Variants in TNFRSF19 observed in about 807,000 individuals in gnomAD.
The protein encoded by TNFRSF19 is tumor necrosis factor receptor superfamily member 19.
Under a neutral mutation model 46.4 loss-of-function variants are expected in TNFRSF19, and 27 were observed. The observed-to-expected ratio is 0.58, with a 90% CI of 0.43 to 0.80. The LOEUF (loss-of-function observed/expected upper bound fraction) is 0.80. Ranked by LOEUF, TNFRSF19 falls within the 30% of genes least tolerant of loss-of-function variation. The pLI, the probability that TNFRSF19 is intolerant of heterozygous loss-of-function variation, is 0.00. For missense variants in TNFRSF19, 511 were observed against 530.8 expected (o/e 0.96, Z 0.37); for synonymous variants, 204 against 205.0 (o/e 1.00, Z 0.04).
intron 5 of TNFRSF19, among the ~76,000 whole-genome samples, chr13:23,649,088 T>C (rs1473190885): frequency 1.3e-5 from 2 of 152,196 alleles, no homozygotes; most frequent in Non-Finnish European, 2.9e-5. Flanking sequence ...GCTAGCCTTG[T>C]AGAATGAGTT....
Position 23,644,991 on chromosome 13 carries a change from C to T in TNFRSF19, c.446-14059C>T, listed in dbSNP as rs1883250678. Among the ~76,000 whole-genome samples the T allele has an allele frequency of 1.3e-5, 2 of 152,230 alleles. 1 individual carries two copies. The highest frequency in any genetic ancestry group is 4.1e-4 in the South Asian group (2 of 4,828). On this transcript the variant is annotated intron_variant, in intron 5 of 9. Coordinates refer to ENST00000248484, the MANE Select transcript of TNFRSF19 (RefSeq NM_148957.4). ...ACTTCAGTAATAGATCACCAGTACT[C>T]TTAACTCCACTGAGCTCTGCTCCTC... is the stretch of plus-strand genomic sequence containing the variant.
Position 23,612,068 on chromosome 13 carries a change from TTTGA to T in TNFRSF19, c.181-3796_181-3793del, listed in dbSNP as rs3838829. ...CAGGGATGGGAAGAAAGGTGTACTG[TTTGA>T]TTATTTTTGTTAAATCTCATGTGTG... On this transcript the variant is annotated intron_variant, in intron 3 of 9. Transcript: ENST00000248484. 8.3e-3 allele frequency among the ~76,000 whole-genome samples: 1,260 copies of T among 152,316 alleles called. 27 individuals carry two copies. The highest frequency in any genetic ancestry group is 0.076 in the East Asian group (394 of 5,182).
chr13:23,609,168 A>G (rs1030991103), intron 3 of TNFRSF19, among the ~76,000 whole-genome samples: 17 of 152,178 alleles, frequency 1.1e-4, no homozygotes, highest in Non-Finnish European at 1.2e-4. Context: ...ATTTTATCCC[A>G]TTGAGCCATA....
intron 5 of TNFRSF19, among the ~76,000 whole-genome samples, chr13:23,627,337 G>A (rs1566195607): frequency 6.6e-6 from 1 of 151,980 alleles, no homozygotes; most frequent in African/African-American, 2.4e-5. Flanking sequence ...TGCATGCTGG[G>A]GATACAACTG....
intron 2 of TNFRSF19, among the ~76,000 whole-genome samples, chr13:23,592,649 C>T (rs765510206): frequency 1.7e-4 from 26 of 152,106 alleles, no homozygotes; most frequent in Non-Finnish European, 8.8e-5. Context: ...TGAAGAGTTC[C>T]GAGAGTTGGG....
chr13:23,592,527 A>G (rs993549554), intron 2 of TNFRSF19, among the ~76,000 whole-genome samples: 4 of 152,198 alleles, frequency 2.6e-5, no homozygotes, highest in African/African-American at 9.6e-5. Flanking sequence ...CTAAGTATAC[A>G]TTTTCCATTT....
intron 5 of TNFRSF19, among the ~76,000 whole-genome samples, chr13:23,636,804 G>A (rs926587324): frequency 6.6e-6 from 1 of 152,108 alleles, no homozygotes; most frequent in African/African-American, 2.4e-5. Flanking sequence ...GGGGAGCAAG[G>A]GAGGAAGCAG....
At chr13:23,622,665 G>A (rs1881747141) in intron 4 of TNFRSF19, among the ~76,000 whole-genome samples, 2 of 152,066 alleles carry the variant, frequency 1.3e-5, no homozygotes, top group Non-Finnish European at 2.9e-5. Context: ...AACTTTTTAA[G>A]TGTTAAAAGA....
intron 2 of TNFRSF19, among the ~76,000 whole-genome samples, chr13:23,591,720 CT>C (rs1566169108): frequency 1.5e-5 from 1 of 65,754 alleles, no homozygotes; most frequent in Non-Finnish European, 3.3e-5. Context: ...AATTTTCTTT[CT>C]TTCTTTCTTT....
chr13:23,608,999 G>T (rs1452751182), intron 3 of TNFRSF19, among the ~76,000 whole-genome samples: 1 of 152,198 alleles, frequency 6.6e-6, no homozygotes, highest in East Asian at 1.9e-4. Flanking sequence ...GTTCTGAGCA[G>T]GCGCCTCTCG....
intron 3 of TNFRSF19, among the ~76,000 whole-genome samples, chr13:23,596,277 G>A (rs1008039049): frequency 2.0e-5 from 3 of 152,124 alleles, no homozygotes; most frequent in African/African-American, 7.2e-5. Flanking sequence ...AAATGTAAAT[G>A]GGCTAAATAC....
intron 3 of TNFRSF19, among the ~76,000 whole-genome samples, chr13:23,611,030 A>G (rs1404602253): frequency 6.6e-6 from 1 of 152,122 alleles, no homozygotes. Flanking sequence ...CCATAAACAT[A>G]ATCACATATC....
intron 5 of TNFRSF19, among the ~76,000 whole-genome samples, chr13:23,640,217 G>A (rs1327918464): frequency 6.6e-6 from 1 of 152,104 alleles, no homozygotes; most frequent in Non-Finnish European, 1.5e-5. Context: ...GATTCGACAG[G>A]GAACCAGTCC....
intron 1 of TNFRSF19, among the ~76,000 whole-genome samples, chr13:23,579,956 G>T (rs899472193): frequency 1.3e-5 from 2 of 152,236 alleles, no homozygotes; most frequent in Non-Finnish European, 2.9e-5. Flanking sequence ...TCTCGGGGCC[G>T]CATCCCGGAC....
At chr13:23,667,890 C>A in intron 7 of TNFRSF19, 90 bp from the exon 8 acceptor site, 1 of 1,122,002 alleles carries the variant, frequency 8.9e-7, no homozygotes, top group Non-Finnish European at 1.2e-6. Context: ...AGGGAAACAT[C>A]TAAATTTCCG....
intron 9 of TNFRSF19, among the ~76,000 whole-genome samples, chr13:23,669,927 A>T (rs888891593): frequency 2.6e-5 from 4 of 152,192 alleles, no homozygotes; most frequent in African/African-American, 9.7e-5. Flanking sequence ...AGTCACAGCA[A>T]CAGTCCAGCT....
chr13:23,585,262 A>G (rs1387058641), intron 1 of TNFRSF19, among the ~76,000 whole-genome samples: 1 of 152,230 alleles, frequency 6.6e-6, no homozygotes, highest in Non-Finnish European at 1.5e-5. Context: ...TTGGATAATA[A>G]ATAGCTTTCA....
At chr13:23,577,763 C>A (rs564613268) in intron 1 of TNFRSF19, among the ~76,000 whole-genome samples, 1 of 152,232 alleles carries the variant, frequency 6.6e-6, no homozygotes, top group Admixed American at 6.5e-5. Context: ...GCTCCAGAGG[C>A]GAGGCAAGGC....
At chr13:23,595,460 C>T (rs139013064) in intron 3 of TNFRSF19, among the ~76,000 whole-genome samples, 3,374 of 152,152 alleles carry the variant, frequency 0.022, 50 homozygotes, top group Middle Eastern at 0.048. Flanking sequence ...CTTCATGAAG[C>T]ATACACAAGT....
Sources: allele counts gnomAD v4.1 joint callset (sites outside exome capture counted in the v4.1 genomes callset), GRCh38; gene constraint gnomAD v4.1.1; transcripts MANE v1.5; gene names NCBI Gene and HGNC (gene_info 2026-07-23, HGNC 2026-07-21).